NUF2: variants seen among roughly 807,000 people sequenced by gnomAD.
NUF2 encodes NUF2 component of NDC80 kinetochore complex.
In NUF2, 34 loss-of-function variants were observed where a neutral mutation model predicts 61.8. That is an observed-to-expected ratio of 0.55 (90% CI 0.42 to 0.73). The LOEUF is 0.73. Ranked by LOEUF, NUF2 falls within the 30% of genes least tolerant of loss-of-function variation. The pLI is 0.00. For synonymous variants in NUF2, 172 were observed against 181.6 expected, an observed-to-expected ratio of 0.95 and a Z score of 0.42; for missense variants, 445 against 539.1, an observed-to-expected ratio of 0.83 and a Z score of 1.73.
At chr1:163,329,094 G>C (rs1475530755) in intron 5 of NUF2, among the ~76,000 whole-genome samples, 187 bp downstream of exon 5, 1 of 151,362 alleles carries the variant, frequency 6.6e-6, no homozygotes, top group Non-Finnish European at 1.5e-5. Context: ...CCTTTTGAGA[G>C]CCACAGAAAA....
chr1:163,355,153 T>C (rs1358401988), intron 13 of NUF2, among the ~76,000 whole-genome samples, 182 bp from the exon 14 acceptor site: 1 of 152,154 alleles, frequency 6.6e-6, no homozygotes, highest in African/African-American at 2.4e-5. Flanking sequence ...TTGATGTGTT[T>C]GTACAACTTA....
At chr1:163,335,342 A>G (rs1048409660) in intron 5 of NUF2, among the ~76,000 whole-genome samples, 2 of 152,190 alleles carry the variant, frequency 1.3e-5, no homozygotes, top group African/African-American at 2.4e-5. Context: ...GAGGGACTAC[A>G]GTATAGAATT....
chr1:163,355,441 A>C lies in NUF2; in HGVS notation c.1367A>C (p.Lys456Thr), dbSNP rs1416771897. Reference protein sequence around the residue: ...AKIDEKTAELKRKMFKMST With the variant: ...AKIDEKTAELTRKMFKMST ...ATAGATGAGAAGACAGCTGAACTGA[A>C]GAGGAAGATGTTCAAAATGTCAACC... The change falls in exon 14 of 14, where the codon AAG becomes ACG. Residue 456 changes from lysine to threonine, a missense_variant. Transcript: ENST00000271452. 5 of 1,599,156 alleles carry C rather than the reference A, an allele frequency of 3.1e-6. No individual in the cohort carries two copies. The highest frequency in any genetic ancestry group is 4.3e-6 in the Non-Finnish European group (5 of 1,172,732).
chr1:163,326,321 A>G, intron 2 of NUF2, 147 bp downstream of exon 2: 1 of 616,952 alleles, frequency 1.6e-6, no homozygotes, highest in Non-Finnish European at 2.7e-6. Context: ...CACCTAGCAT[A>G]ATTTAAAAAT....
intron 5 of NUF2, among the ~76,000 whole-genome samples, chr1:163,329,201 C>T (rs1333807792): frequency 6.6e-6 from 1 of 151,922 alleles, no homozygotes; most frequent in East Asian, 1.9e-4. Context: ...TATGATTTTG[C>T]ATAGTGGATT....
intron 4 of NUF2, 175 bp downstream of exon 4, chr1:163,328,479 C>T: frequency 1.9e-6 from 1 of 515,762 alleles, no homozygotes; most frequent in Non-Finnish European, 3.4e-6. Context: ...ACAGAACTGC[C>T]TCCAACTGTG....
chr1:163,341,720 C>T (rs1341723137), intron 9 of NUF2, among the ~76,000 whole-genome samples: 2 of 151,932 alleles, frequency 1.3e-5, no homozygotes, highest in African/African-American at 2.4e-5. Context: ...CTCTGCCTCC[C>T]GGGTTCAAGG....
In NUF2 at chr1:163,343,717, A is replaced by C. The variant is rs138683462; in HGVS notation, c.670-16A>C. The C allele has an allele frequency of 2.5e-4, 323 of 1,269,704 alleles. 2 individuals carry two copies. The African/African-American group carries it at 4.0e-3, about 16-fold the overall frequency. 78.7% of individuals were successfully genotyped at this position (1,269,704 alleles called of 1,614,324 possible). On this transcript the variant is annotated splice_polypyrimidine_tract_variant and intron_variant, in intron 9 of 13. Coordinates refer to ENST00000271452, the MANE Select transcript of NUF2 (RefSeq NM_145697.3). ...AAGTTTATTATATCTAATATATAAA[A>C]ATGTTTTCTCAACAGAATGAACTAA...
chr1:163,327,917 G>T, intron 3 of NUF2: 1 of 363,692 alleles, frequency 2.7e-6, no homozygotes, highest in Non-Finnish European at 4.9e-6. Context: ...CCAAATTAGA[G>T]TAGAAGATAT....
intron 1 of NUF2, among the ~76,000 whole-genome samples, chr1:163,324,166 A>G (rs1477240332): frequency 6.6e-6 from 1 of 152,212 alleles, no homozygotes; most frequent in African/African-American, 2.4e-5. Flanking sequence ...AAGAAATTAT[A>G]CTTACTTTAA....
intron 11 of NUF2, 28 bp from the exon 12 acceptor site, chr1:163,347,735 G>T: frequency 2.2e-6 from 3 of 1,389,726 alleles, no homozygotes; most frequent in South Asian, 3.3e-5. Context: ...TGGTTATGTT[G>T]ACTTTAAATA....
At position 163,349,077 on chromosome 1, in the gene NUF2, C is replaced by G; in HGVS notation, c.1257C>G (p.Ser419=). 6.2e-7 allele frequency: 1 copy of G among 1,602,674 alleles called. No homozygotes were observed. Among genetic ancestry groups the G allele is most frequent in the East Asian group, 2.2e-5 (1 of 44,644 alleles). The stretch of plus-strand genomic sequence containing the variant: ...CTGCTGAAAGGGAGAAACTGAAGTC[C>G]CAGGTGAATATGTGTTCATAAGAAG... ...KDAAEREKLK[S]QEIFLNLKTA... The change falls in exon 13 of 14, where the codon TCC becomes TCG. Residue 419 remains serine (S), a synonymous_variant. Coordinates refer to ENST00000271452, the MANE Select transcript of NUF2 (RefSeq NM_145697.3).
At chr1:163,355,054 T>C (rs530237284) in intron 13 of NUF2, among the ~76,000 whole-genome samples, 1 of 152,182 alleles carries the variant, frequency 6.6e-6, no homozygotes, top group South Asian at 2.1e-4. Flanking sequence ...AAATTTTTCC[T>C]TGATAATTAT....
chr1:163,328,665 A>G, intron 4 of NUF2, 181 bp from the exon 5 acceptor site: 1 of 526,492 alleles, frequency 1.9e-6, no homozygotes, highest in Non-Finnish European at 3.3e-6. Context: ...TGATTAATAT[A>G]CAGAAAAAAT....
chr1:163,324,663 A>G (rs1255576862), intron 1 of NUF2, among the ~76,000 whole-genome samples: 1 of 152,120 alleles, frequency 6.6e-6, no homozygotes, highest in African/African-American at 2.4e-5. Context: ...CAGGTATTTA[A>G]GGGAGTGGCT....
Position 163,345,728 on chromosome 1 carries a change from G to A in NUF2, c.858G>A (p.Leu286=). The part of the protein sequence containing the change: ...YEIYGDSVDC[L]PSCQLEVQLY... ...TCTATGGAGACTCAGTTGACTGCCT[G>A]CCTTCATGTCAGTTGGAAGTGCAGT... The change falls in exon 11 of 14, where the codon CTG becomes CTA. Residue 286 remains leucine (L), a synonymous_variant. Coordinates refer to ENST00000271452, the MANE Select transcript of NUF2 (RefSeq NM_145697.3). 1 of 1,612,550 alleles carries A rather than the reference G, an allele frequency of 6.2e-7. No homozygotes were observed. Among genetic ancestry groups the A allele is most frequent in the Non-Finnish European group, 8.5e-7 (1 of 1,178,788 alleles).
intron 9 of NUF2, 137 bp from the exon 10 acceptor site, chr1:163,343,596 G>A (rs1456192269): frequency 2.6e-6 from 1 of 382,404 alleles, no homozygotes; most frequent in Non-Finnish European, 4.7e-6. Context: ...CAATTAAGTA[G>A]GTAAGTGATG....
chr1:163,352,782 C>T (rs950533003), intron 13 of NUF2, among the ~76,000 whole-genome samples: 3 of 152,066 alleles, frequency 2.0e-5, no homozygotes, highest in South Asian at 2.1e-4. Context: ...TGGAGAATGT[C>T]GTGAACCCGG....
intron 4 of NUF2, 71 bp downstream of exon 4, chr1:163,328,375 A>G (rs1006385645): frequency 7.2e-6 from 7 of 977,936 alleles, no homozygotes; most frequent in Non-Finnish European, 9.4e-6. Context: ...TCTTAATGAC[A>G]TGGTTTTCTT....
Sources: allele counts gnomAD v4.1 joint callset (sites outside exome capture counted in the v4.1 genomes callset), GRCh38; gene constraint gnomAD v4.1.1; transcripts MANE v1.5; gene names NCBI Gene and HGNC (gene_info 2026-07-23, HGNC 2026-07-21).